Variants in GRID1 observed in about 807,000 individuals in gnomAD.
GRID1 encodes the protein glutamate ionotropic receptor delta type subunit 1.
In GRID1, 28 loss-of-function variants were observed where a neutral mutation model predicts 98.0. The observed-to-expected ratio is 0.29, with a 90% CI of 0.21 to 0.39. GRID1 has a LOEUF of 0.39. GRID1 is among the 10% of genes least tolerant of loss of function. GRID1 has a pLI of 1.00. For synonymous variants in GRID1, 553 were observed against 538.5 expected (o/e 1.03, Z -0.37); for missense variants, 1,111 against 1,340.5 (o/e 0.83, Z 2.67).
At chr10:86,349,788 G>A (rs964099580) in intron 2 of GRID1, among the ~76,000 whole-genome samples, 3 of 152,174 alleles carry the variant, frequency 2.0e-5, no homozygotes, top group Admixed American at 2.0e-4. Context: ...CCATCCTGTT[G>A]CCCATCCAAG....
chr10:86,109,968 ATT>A (rs1266421655), intron 4 of GRID1, among the ~76,000 whole-genome samples: 7 of 111,994 alleles, frequency 6.3e-5, no homozygotes, highest in Non-Finnish European at 8.5e-5. Flanking sequence ...AAACTCTGCC[ATT>A]CTTTTTTTTT....
intron 5 of GRID1, among the ~76,000 whole-genome samples, chr10:85,903,577 A>G (rs1308603718): frequency 6.6e-6 from 1 of 152,162 alleles, no homozygotes; most frequent in Non-Finnish European, 1.5e-5. Context: ...AAAAAAATAT[A>G]TATATATATT....
chr10:85,639,932 T>C (rs190347900), intron 13 of GRID1, among the ~76,000 whole-genome samples: 12 of 152,358 alleles, frequency 7.9e-5, no homozygotes, highest in Non-Finnish European at 1.5e-4. Flanking sequence ...GATAGTTTGC[T>C]GATGCCTGCT....
chr10:85,634,277 TCTCTCTCTCTCTCTCA>T (rs1449903120), intron 13 of GRID1, among the ~76,000 whole-genome samples: 2 of 145,202 alleles, frequency 1.4e-5, no homozygotes, highest in African/African-American at 5.3e-5. Flanking sequence ...TCTCTCTCTC[TCTCTCTCTCTCTCTCA>T]CACACACACA....
At chr10:86,178,291 G>A (rs919738209) in intron 3 of GRID1, among the ~76,000 whole-genome samples, 1 of 151,986 alleles carries the variant, frequency 6.6e-6, no homozygotes, top group African/African-American at 2.4e-5. Context: ...TATATCCATC[G>A]TGCCCTTCTT....
At chr10:85,854,190 A>G (rs917314381) in intron 8 of GRID1, among the ~76,000 whole-genome samples, 1 of 151,980 alleles carries the variant, frequency 6.6e-6, no homozygotes, top group Non-Finnish European at 1.5e-5. Context: ...CTCTGAGAAA[A>G]CACATTGTCC....
At chr10:85,809,479 A>G (rs939432496) in intron 8 of GRID1, among the ~76,000 whole-genome samples, 21 of 152,198 alleles carry the variant, frequency 1.4e-4, no homozygotes, top group African/African-American at 4.8e-4. Flanking sequence ...GAAAATTTTA[A>G]AAGCAGCTAG....
At chr10:85,736,786 C>A (rs1180718506) in intron 8 of GRID1, among the ~76,000 whole-genome samples, 1 of 152,090 alleles carries the variant, frequency 6.6e-6, no homozygotes, top group African/African-American at 2.4e-5. Context: ...GGACATTCGG[C>A]CAGCACTGAT....
intron 4 of GRID1, among the ~76,000 whole-genome samples, chr10:85,930,015 T>C (rs1011036841): frequency 6.6e-6 from 1 of 152,214 alleles, no homozygotes; most frequent in Non-Finnish European, 1.5e-5. Flanking sequence ...GACTCCATTA[T>C]GGTTATGATA....
chr10:85,768,413 T>TA (rs11451116), intron 8 of GRID1, among the ~76,000 whole-genome samples: 141,883 of 149,896 alleles, frequency 0.95, 67,167 homozygotes, highest in Admixed American at 0.96. Flanking sequence ...TTCCAAGTGG[T>TA]AAAAAAAAAA....
chr10:85,753,732 A>G (rs1280199985), intron 8 of GRID1, among the ~76,000 whole-genome samples: 2 of 152,226 alleles, frequency 1.3e-5, no homozygotes, highest in African/African-American at 2.4e-5. Context: ...CTCACACCTC[A>G]TGAAGTGTAA....
chr10:86,196,413 C>CTTCAT (rs1212071052), intron 3 of GRID1, among the ~76,000 whole-genome samples: 2 of 152,062 alleles, frequency 1.3e-5, no homozygotes, highest in African/African-American at 2.4e-5. Flanking sequence ...AAATCCATCA[C>CTTCAT]TTCATTTCAT....
intron 3 of GRID1, among the ~76,000 whole-genome samples, chr10:86,171,085 T>G (rs575566750): frequency 4.7e-4 from 72 of 152,292 alleles, no homozygotes; most frequent in African/African-American, 1.7e-3. Context: ...CTCTACCCTA[T>G]ACCAGTTACA....
At chr10:86,234,360 C>T (rs1468591798) in intron 2 of GRID1, among the ~76,000 whole-genome samples, 1 of 152,170 alleles carries the variant, frequency 6.6e-6, no homozygotes, top group African/African-American at 2.4e-5. Context: ...GCCCTGCTCC[C>T]CAGTGGAGCC....
At chr10:85,729,814 C>T (rs914164647) in intron 8 of GRID1, among the ~76,000 whole-genome samples, 200 bp from the exon 9 acceptor site, 2 of 152,190 alleles carry the variant, frequency 1.3e-5, no homozygotes, top group Non-Finnish European at 2.9e-5. Flanking sequence ...TCCTTCAGCT[C>T]GCCTGGATCT....
rs1307712219 is a variant in GRID1, at chr10:85,639,559, T to C, written c.2193+7643A>G. Among the ~76,000 whole-genome samples the C allele has an allele frequency of 2.0e-5, 3 of 152,236 alleles. 1 individual carries two copies. On this transcript the variant is annotated intron_variant, in intron 13 of 15. Transcript: ENST00000327946. The stretch of plus-strand genomic sequence containing the variant: ...ATATGTGTATTTCAATTACACTTCA[T>C]AAAAGACTAAAGGCTGTTGCCTTTT...
At chr10:85,634,249 C>CCTCTCTCTCTGTCTCTCTCT (rs1843008264) in intron 13 of GRID1, among the ~76,000 whole-genome samples, 1 of 92,314 alleles carries the variant, frequency 1.1e-5, no homozygotes, top group Non-Finnish European at 2.1e-5. Flanking sequence ...TGATGGGGCA[C>CCTCTCTCTCTGTCTCTCTCT]CTCTCTCTCT....
chr10:85,870,766 G>C (rs1564614454), intron 5 of GRID1, among the ~76,000 whole-genome samples: 2 of 152,164 alleles, frequency 1.3e-5, no homozygotes, highest in Non-Finnish European at 2.9e-5. Context: ...GTCCCCTGCA[G>C]GGAATGCTTG....
chr10:85,823,996 C>G (rs991606703), intron 8 of GRID1, among the ~76,000 whole-genome samples: 1 of 151,434 alleles, frequency 6.6e-6, no homozygotes, highest in African/African-American at 2.4e-5. Context: ...GGAAAGGATC[C>G]CAGAGAAAAG....
Sources: allele counts gnomAD v4.1 joint callset (sites outside exome capture counted in the v4.1 genomes callset), GRCh38; gene constraint gnomAD v4.1.1; transcripts MANE v1.5; gene names NCBI Gene and HGNC (gene_info 2026-07-23, HGNC 2026-07-21).